TANC2: variants seen among roughly 807,000 people sequenced by gnomAD.
TANC2 encodes tetratricopeptide repeat, ankyrin repeat and coiled-coil containing 2.
TANC2 carries 26 observed loss-of-function variants against 210.5 expected under a neutral mutation model. The observed-to-expected ratio is 0.12, with a 90% confidence interval of 0.09 to 0.17. TANC2 has a LOEUF of 0.17. Among genes scored for constraint, TANC2 ranks in the 10% least tolerant of loss-of-function variants. TANC2 has a pLI of 1.00. For synonymous variants in TANC2, 931 were observed against 967.1 expected (o/e 0.96, Z 0.69); for missense variants, 2,129 against 2,608.9 (o/e 0.82, Z 4.01).
chr17:63,074,358 A>G (rs914968092), intron 3 of TANC2, among the ~76,000 whole-genome samples: 5 of 152,246 alleles, frequency 3.3e-5, no homozygotes, highest in Non-Finnish European at 5.9e-5. Context: ...TTTAAATTTC[A>G]TCAATATAGT....
At chr17:63,411,449 C>G in intron 21 of TANC2, 62 bp from the exon 22 acceptor site, 102 of 1,501,708 alleles carry the variant, frequency 6.8e-5, no homozygotes, top group Non-Finnish European at 8.5e-5. Context: ...CTTCAGCGTA[C>G]TTCCCCTCCT....
At chr17:63,145,200 A>G (rs2039425582) in intron 4 of TANC2, among the ~76,000 whole-genome samples, 1 of 152,128 alleles carries the variant, frequency 6.6e-6, no homozygotes, top group Non-Finnish European at 1.5e-5. Context: ...AGCACATTAG[A>G]TAGGGTAGGA....
chr17:63,413,332 A>G, intron 24 of TANC2: 1 of 478,204 alleles, frequency 2.1e-6, no homozygotes, highest in Non-Finnish European at 3.7e-6. Context: ...ACATGGTTCA[A>G]GTATTCTTAT....
chr17:63,301,406 C>T (rs1293218700), intron 9 of TANC2, among the ~76,000 whole-genome samples: 1 of 152,046 alleles, frequency 6.6e-6, no homozygotes, highest in Non-Finnish European at 1.5e-5. Flanking sequence ...TCCATCTGGT[C>T]CTGGACTTTT....
rs561413123 is a variant in TANC2, at chr17:63,145,169, A to G, written c.323-6101A>G. Among the ~76,000 whole-genome samples, 5 of 152,274 alleles carry G rather than the reference A, an allele frequency of 3.3e-5. No homozygotes were observed. The South Asian group carries it at 1.0e-3, about 32-fold the overall frequency. On this transcript the variant is annotated intron_variant, in intron 4 of 27. Coordinates refer to ENST00000689528, the Ensembl canonical transcript of TANC2. ...GTTGCTTATGTCACCGTTGAAGCACAATCATGAGAAATAGTTAATCAGCAC... is the reference window on the plus strand; with the variant it reads ...GTTGCTTATGTCACCGTTGAAGCACGATCATGAGAAATAGTTAATCAGCAC...
intron 2 of TANC2, among the ~76,000 whole-genome samples, chr17:63,053,816 C>T (rs2035670226): frequency 6.6e-6 from 1 of 152,144 alleles, no homozygotes; most frequent in Non-Finnish European, 1.5e-5. Flanking sequence ...TTAGAATTGT[C>T]CTCAATTTCT....
At chr17:63,228,289 G>C (rs1167090831) in intron 7 of TANC2, among the ~76,000 whole-genome samples, 1 of 152,102 alleles carries the variant, frequency 6.6e-6, no homozygotes, top group African/African-American at 2.4e-5. Flanking sequence ...CATGGTCTAT[G>C]TGTCTGTTTT....
chr17:63,334,577 A>G (rs903450926), intron 11 of TANC2, among the ~76,000 whole-genome samples: 1 of 152,240 alleles, frequency 6.6e-6, no homozygotes, highest in African/African-American at 2.4e-5. Context: ...CACTCAGGAA[A>G]TACTGCTGCA....
At chr17:63,219,093 T>C (rs2042100304) in intron 7 of TANC2, among the ~76,000 whole-genome samples, 1 of 152,142 alleles carries the variant, frequency 6.6e-6, no homozygotes, top group African/African-American at 2.4e-5. Context: ...GTGCAAAACA[T>C]GCTGAGCAAA....
intron 8 of TANC2, among the ~76,000 whole-genome samples, chr17:63,257,669 A>T (rs1262610685): frequency 1.3e-5 from 2 of 152,190 alleles, no homozygotes; most frequent in Admixed American, 1.3e-4. Flanking sequence ...CACAGGTAAC[A>T]TCTTATAACC....
chr17:63,129,263 C>T (rs1288621035), intron 4 of TANC2, among the ~76,000 whole-genome samples: 2 of 152,134 alleles, frequency 1.3e-5, no homozygotes, highest in Non-Finnish European at 2.9e-5. Flanking sequence ...CTCGGCCTCC[C>T]AAAGTGCTGG....
chr17:63,063,862 A>G (rs541055424), intron 2 of TANC2, among the ~76,000 whole-genome samples: 1 of 152,224 alleles, frequency 6.6e-6, no homozygotes, highest in South Asian at 2.1e-4. Context: ...GATTTTCTCT[A>G]TAATTTTTTG....
chr17:63,185,481 C>CT (rs36012501), intron 5 of TANC2, among the ~76,000 whole-genome samples: 2 of 151,966 alleles, frequency 1.3e-5, no homozygotes, highest in African/African-American at 2.4e-5. Flanking sequence ...TATACTTTTC[C>CT]TTTTTTTTAT....
intron 5 of TANC2, among the ~76,000 whole-genome samples, chr17:63,183,721 A>T (rs895078253): frequency 6.6e-6 from 1 of 152,138 alleles, no homozygotes; most frequent in Admixed American, 6.5e-5. Context: ...TTTGTTTTTT[A>T]AAAAAAGAAA....
exon 10 of TANC2, chr17:63,314,415 A>G (rs756181350): frequency 3.7e-6 from 6 of 1,613,900 alleles, no homozygotes; most frequent in South Asian, 2.2e-5. Context: ...AGGCCTCCAG[A>G]TATCTCCTTG....
chr17:63,011,492 T>A (rs927063835), intron 2 of TANC2, among the ~76,000 whole-genome samples: 2 of 152,178 alleles, frequency 1.3e-5, no homozygotes, highest in African/African-American at 4.8e-5. Flanking sequence ...ACTTAAAAAA[T>A]TATTTACTGA....
chr17:63,384,208 T>C (rs115650304), intron 15 of TANC2, among the ~76,000 whole-genome samples: 1 of 152,276 alleles, frequency 6.6e-6, no homozygotes, highest in South Asian at 2.1e-4. Flanking sequence ...TAGCTAGGAC[T>C]ACAGGCAAAC....
intron 26 of TANC2, among the ~76,000 whole-genome samples, chr17:63,417,729 C>T (rs2048907311): frequency 6.6e-6 from 1 of 152,140 alleles, no homozygotes; most frequent in Non-Finnish European, 1.5e-5. Flanking sequence ...TGAGAAAATA[C>T]ACTATACACT....
In TANC2 at chr17:63,099,162, C is replaced by T. The variant is rs1291163666; in HGVS notation, c.140-13C>T. 3.1e-6 allele frequency: 5 copies of T among 1,609,432 alleles called. No individual in the cohort carries two copies. In the African/African-American group the frequency reaches 5.3e-5, roughly 17 times the overall value. ...TTTCTCACCAGCTCTTTTGTTCCAT[C>T]CCCTTCTAACAGGTGGCATCTCCAC... On this transcript the variant is annotated splice_polypyrimidine_tract_variant and intron_variant, in intron 3 of 27. Transcript: ENST00000689528.
Sources: allele counts gnomAD v4.1 joint callset (sites outside exome capture counted in the v4.1 genomes callset), GRCh38; gene constraint gnomAD v4.1.1; transcripts MANE v1.5; gene names NCBI Gene and HGNC (gene_info 2026-07-23, HGNC 2026-07-21).